Variants in ATP1A3 observed in about 807,000 individuals in gnomAD.
ATP1A3 encodes ATPase Na+/K+ transporting subunit alpha 3.
ATP1A3 carries 12 observed loss-of-function variants against 108.8 expected under a neutral mutation model. That is an observed-to-expected ratio of 0.11 (90% confidence interval 0.07 to 0.18). ATP1A3 has a LOEUF of 0.18. ATP1A3 is among the 10% of genes least tolerant of loss of function. The pLI is 1.00. For synonymous variants in ATP1A3, 539 were observed against 564.5 expected, an observed-to-expected ratio of 0.95 and a Z score of 0.64; for missense variants, 498 against 1,387.7, an observed-to-expected ratio of 0.36 and a Z score of 10.19.
intron 1 of ATP1A3, among the ~76,000 whole-genome samples, chr19:41,989,165 C>G (rs1446619434): frequency 6.6e-6 from 1 of 151,890 alleles, no homozygotes; most frequent in Admixed American, 6.6e-5. Flanking sequence ...GTCTCTAACT[C>G]CTGGACTCAA....
chr19:41,979,975 C>T (rs2075212530), intron 11 of ATP1A3, among the ~76,000 whole-genome samples: 1 of 152,206 alleles, frequency 6.6e-6, no homozygotes, highest in Admixed American at 6.5e-5. Flanking sequence ...GCCCGTGGGG[C>T]CTGACAGGAT....
intron 1 of ATP1A3, chr19:41,993,172 TGA>T: frequency 1.2e-5 from 1 of 86,174 alleles, no homozygotes. Flanking sequence ...CCTCCTCTCC[TGA>T]TTCCCCCTCC....
intron 1 of ATP1A3, chr19:41,993,670 C>T (rs2075361680): frequency 1.6e-6 from 1 of 620,242 alleles, no homozygotes; most frequent in Non-Finnish European, 2.8e-6. Flanking sequence ...ACCCCAGACG[C>T]ACTAACACGA....
chr19:41,989,797 G>A (rs548033869), intron 1 of ATP1A3, among the ~76,000 whole-genome samples: 1 of 152,006 alleles, frequency 6.6e-6, no homozygotes, highest in Admixed American at 6.5e-5. Context: ...TTGCAAGGCT[G>A]TTTCTCTCTC....
At position 41,967,469 on chromosome 19, in the gene ATP1A3, G is replaced by T. The variant is rs2075055885; in HGVS notation, c.2922-129C>A. On this transcript the variant is annotated intron_variant, in intron 21 of 22. Transcript: ENST00000648268. This position sits in a 1 kb window ranked among gnomAD's most constrained non-coding sequence, Gnocchi z 4.2. Reference sequence around the variant, plus strand: ...GTGCTCACAGGTGGAGGGTGCCCTGGGCGGGGCTGGGGCCTGGGGTCTTCG... The same window carrying T: ...GTGCTCACAGGTGGAGGGTGCCCTGTGCGGGGCTGGGGCCTGGGGTCTTCG... 8.0e-7 allele frequency: 1 copy of T among 1,246,698 alleles called. No individual in the cohort carries two copies. The highest frequency in any genetic ancestry group is 1.5e-5 in the African/African-American group (1 of 67,104). The allele number at this position is 1,246,698 out of a possible 1,614,324, so 77.2% of individuals were successfully genotyped here. A position where few individuals can be genotyped will look rare whatever the true frequency, so the allele number is the denominator to read the frequency against.
chr19:41,991,405 C>A (rs1478872442), intron 1 of ATP1A3, among the ~76,000 whole-genome samples: 2 of 152,150 alleles, frequency 1.3e-5, no homozygotes, highest in Non-Finnish European at 2.9e-5. Flanking sequence ...AGCAGCACTG[C>A]GTCTCAGATG....
At position 41,988,936 on chromosome 19, in the gene ATP1A3, G is replaced by A. The variant is rs950782232; in HGVS notation, c.7-374C>T. 1.3e-5 allele frequency among the ~76,000 whole-genome samples: 2 copies of A among 152,034 alleles called. No individual in the cohort carries two copies. Among genetic ancestry groups the A allele is most frequent in the Non-Finnish European group, 2.9e-5 (2 of 67,996 alleles). On this transcript the variant is annotated intron_variant, in intron 1 of 22. Coordinates refer to ENST00000648268, the MANE Select transcript of ATP1A3 (RefSeq NM_152296.5). The surrounding 1 kb of genome is among the most constrained non-coding windows in gnomAD (Gnocchi z 5.3). ...GGGGCTCTCCCCTTTTGTGTTCTGT[G>A]TCTATGTGACTTTGTTTTCGTTTTT... is the stretch of plus-strand genomic sequence containing the variant.
rs1419212218 is a variant in ATP1A3 at position 41,967,416 on chromosome 19, G to T, written c.2922-76C>A. 3.7e-5 allele frequency: 54 copies of T among 1,477,542 alleles called. No individual in the cohort carries two copies. The highest frequency in any genetic ancestry group is 4.6e-5 in the Non-Finnish European group (50 of 1,080,414). 91.5% of individuals were successfully genotyped at this position (1,477,542 alleles called of 1,614,324 possible). Reference sequence around the variant, plus strand: ...AGAGTTTCAGGGGACTGGAGGGGACGCAGAGGGGCAGTCTCCCAGGATCCT... The same window carrying T: ...AGAGTTTCAGGGGACTGGAGGGGACTCAGAGGGGCAGTCTCCCAGGATCCT... On this transcript the variant is annotated intron_variant, in intron 21 of 22. Transcript: ENST00000648268. The surrounding 1 kb of genome is among the most constrained non-coding windows in gnomAD (Gnocchi z 4.2).
At chr19:41,990,875 T>G (rs1555867079) in intron 1 of ATP1A3, 1 of 152,264 alleles carries the variant, frequency 6.6e-6, no homozygotes, top group African/African-American at 2.4e-5. Flanking sequence ...TGTCTCTCTG[T>G]CTCTGTCTCT....
Position 41,985,200 on chromosome 19 carries a change from G to T in ATP1A3, c.725-14C>A. On this transcript the variant is annotated splice_polypyrimidine_tract_variant and intron_variant, in intron 7 of 22. Coordinates refer to ENST00000648268, the MANE Select transcript of ATP1A3 (RefSeq NM_152296.5). The surrounding 1 kb of genome is among the most constrained non-coding windows in gnomAD (Gnocchi z 8.2). ...CCCGAGCCGTGCCTGCAGGCCAGAG[G>T]GGTTAGGCTGAGGTGGGGTGGCTCA... 6.2e-7 allele frequency: 1 copy of T among 1,613,882 alleles called. No individual in the cohort carries two copies. The highest frequency in any genetic ancestry group is 1.1e-5 in the South Asian group (1 of 91,060).
chr19:41,975,471 G>C (rs1487222128), intron 16 of ATP1A3, among the ~76,000 whole-genome samples, 158 bp downstream of exon 16: 2 of 152,210 alleles, frequency 1.3e-5, no homozygotes, highest in Non-Finnish European at 2.9e-5. Flanking sequence ...CGACCCCACA[G>C]GGGAGGAAGA....
intron 16 of ATP1A3, among the ~76,000 whole-genome samples, chr19:41,970,907 C>T (rs1039692177): frequency 1.1e-4 from 16 of 151,972 alleles, no homozygotes; most frequent in Non-Finnish European, 1.5e-5. Context: ...GCTGGGATTA[C>T]AGGCGTGAGC....
At chr19:41,972,907 G>A (rs1317979015) in intron 16 of ATP1A3, among the ~76,000 whole-genome samples, 1 of 149,540 alleles carries the variant, frequency 6.7e-6, no homozygotes, top group Non-Finnish European at 1.5e-5. Context: ...GGGAGGAAGG[G>A]AGGGAGGGAG....
rs145171914 is a variant in ATP1A3, at chr19:41,985,322, G to A, written c.708C>T (p.Ser236=). The change falls in exon 7 of 23, where the codon TCC becomes TCT. Residue 236 remains serine, a synonymous_variant. Coordinates refer to ENST00000648268, the MANE Select transcript of ATP1A3 (RefSeq NM_152296.5). This position sits in a 1 kb window ranked among gnomAD's most constrained non-coding sequence, Gnocchi z 8.2. ...PLETRNITFF[S]TNCVEGTARG... The stretch of plus-strand genomic sequence containing the variant: ...CCGCCTCACCTTCCACACAGTTGGT[G>A]GAAAAGAAGGTGATGTTCCGAGTCT... 80 of 1,614,058 alleles carry A rather than the reference G, an allele frequency of 5.0e-5. No individual in the cohort carries two copies. The highest frequency in any genetic ancestry group is 1.6e-4 in the Middle Eastern group (1 of 6,084).
At position 41,969,468 on chromosome 19, in the gene ATP1A3, G is replaced by A. The variant is rs892240321; in HGVS notation, c.2655C>T (p.Val885=). ...GIRLNWDDRT[V]NDLEDSYGQQ... ...GCCCGTAACTGTCTTCCAGGTCATT[G>A]ACGGTGCGGTCATCCCAGTTCAGCC... Residue 885 remains valine, a synonymous_variant, in exon 19 of 23, where the codon GTC becomes GTT. Coordinates refer to ENST00000648268, the MANE Select transcript of ATP1A3 (RefSeq NM_152296.5). 6.2e-7 allele frequency: 1 copy of A among 1,614,168 alleles called. No homozygotes were observed. Among genetic ancestry groups the A allele is most frequent in the Non-Finnish European group, 8.5e-7 (1 of 1,180,030 alleles).
intron 1 of ATP1A3, chr19:41,993,319 C>T: frequency 6.9e-7 from 1 of 1,439,264 alleles, no homozygotes; most frequent in South Asian, 1.2e-5. Context: ...GAGGCAAGGA[C>T]ACAGCCAGGC....
chr19:41,978,217 G>A lies in ATP1A3; in HGVS notation c.1740C>T (p.Ser580=). 3 of 1,614,212 alleles carry A rather than the reference G, an allele frequency of 1.9e-6. No homozygotes were observed. Among genetic ancestry groups the A allele is most frequent in the Non-Finnish European group, 2.5e-6 (3 of 1,180,036 alleles). Residue 580 remains serine (S), a synonymous_variant, in exon 13 of 23, where the codon TCC becomes TCT. Coordinates refer to ENST00000648268, the MANE Select transcript of ATP1A3 (RefSeq NM_152296.5). The surrounding 1 kb of genome is among the most constrained non-coding windows in gnomAD (Gnocchi z 8.3). ...TDNLCFVGLM[S]MIDPPRAAVP... is the part of the protein sequence containing the mutation. ...CGGCTGCCCGGGGTGGGTCGATCAT[G>A]GACATGAGGCCCACAAAGCAGAGGT...
At chr19:41,989,785 C>G (rs2075319765) in intron 1 of ATP1A3, among the ~76,000 whole-genome samples, 1 of 152,042 alleles carries the variant, frequency 6.6e-6, no homozygotes, top group Non-Finnish European at 1.5e-5. Flanking sequence ...GTATCTCTGT[C>G]TTTGCAAGGC....
In ATP1A3 at chr19:41,994,133, CT is replaced by C; in HGVS notation, c.-58del. 1 of 1,518,512 alleles carries C rather than the reference CT, an allele frequency of 6.6e-7. No homozygotes were observed. The highest frequency in any genetic ancestry group is 8.8e-7 in the Non-Finnish European group (1 of 1,132,168). The allele number at this position is 1,518,512 out of a possible 1,614,324, so 94.1% of individuals were successfully genotyped here. ...GGCGGGGCGGGGACCTCGGGGCGGG[CT>C]CAGGCTCAGGCTTGGGCTGGGAGCC... is the stretch of plus-strand genomic sequence containing the variant. On this transcript the variant is annotated 5_prime_UTR_variant, in exon 1 of 23. Transcript: ENST00000648268.
Sources: allele counts gnomAD v4.1 joint callset (sites outside exome capture counted in the v4.1 genomes callset), GRCh38; gene constraint gnomAD v4.1.1; non-coding constraint Gnocchi (gnomAD v3.1); transcripts MANE v1.5; gene names NCBI Gene and HGNC (gene_info 2026-07-23, HGNC 2026-07-21).